The following ABCA3 variants were observed in gnomAD, a reference collection of about 807,000 sequenced individuals.
ABCA3 encodes the protein phospholipid-transporting ATPase ABCA3.
A neutral mutation model predicts 172.8 loss-of-function variants in ABCA3; 88 were observed. That is an observed-to-expected ratio of 0.51 (90% CI 0.43 to 0.61). The LOEUF (loss-of-function observed/expected upper bound fraction) is 0.61. Ranked by LOEUF, ABCA3 falls within the 20% of genes least tolerant of loss-of-function variation. ABCA3 has a pLI of 0.00. For missense variants in ABCA3, 2,164 were observed against 2,301.0 expected, an observed-to-expected ratio of 0.94 and a Z score of 1.22; for synonymous variants, 1,066 against 983.8, an observed-to-expected ratio of 1.08 and a Z score of -1.56.
chr16:2,328,742 A>G lies in ABCA3; in HGVS notation c.-316T>C. On this transcript the variant is annotated 5_prime_UTR_variant, in exon 3 of 33. Coordinates refer to ENST00000301732, the MANE Select transcript of ABCA3 (RefSeq NM_001089.3). ...GGAAGAGTTTCAGGTTCAGTTGCTC[A>G]GCTCCACACTCATGGCTGATCCAAA... 2 of 335,518 alleles carry G rather than the reference A, an allele frequency of 6.0e-6. No individual in the cohort carries two copies. Among genetic ancestry groups the G allele is most frequent in the South Asian group, 4.5e-5 (2 of 43,970 alleles). The allele number at this position is 335,518 out of a possible 1,614,324, so 20.8% of individuals were successfully genotyped here.
In ABCA3 at chr16:2,278,862, G is replaced by A. The variant is rs2093650816; in HGVS notation, c.4547+81C>T. Reference sequence around the variant, plus strand: ...AAGCAGGAGCTCTGGCTGCTGACCTGAGCGGTCACTCCCAGCTCTATGCTA... The same window carrying A: ...AAGCAGGAGCTCTGGCTGCTGACCTAAGCGGTCACTCCCAGCTCTATGCTA... On this transcript the variant is annotated intron_variant, in intron 29 of 32. Coordinates refer to ENST00000301732, the MANE Select transcript of ABCA3 (RefSeq NM_001089.3). This position sits in a 1 kb window ranked among gnomAD's most constrained non-coding sequence, Gnocchi z 4.4. 6.3e-7 allele frequency: 1 copy of A among 1,585,694 alleles called. No homozygotes were observed. The highest frequency in any genetic ancestry group is 8.6e-7 in the Non-Finnish European group (1 of 1,160,266).
intron 19 of ABCA3, among the ~76,000 whole-genome samples, chr16:2,291,042 G>GTAGTTT (rs1168187288): frequency 6.6e-6 from 1 of 151,974 alleles, no homozygotes; most frequent in African/African-American, 2.4e-5. Flanking sequence ...GCTAATTTTT[G>GTAGTTT]TAGTTTTAGT....
At chr16:2,280,462 T>C (rs1024057053) in intron 28 of ABCA3, among the ~76,000 whole-genome samples, 4 of 152,234 alleles carry the variant, frequency 2.6e-5, no homozygotes, top group Non-Finnish European at 5.9e-5. Context: ...CTGCATGTGC[T>C]CTGGCCCAGG....
rs2093681711 is a variant in ABCA3 at position 2,297,488 on chromosome 16, C to T, written c.2104G>A (p.Ala702Thr). ...TSGMDAISRR[A>T]IWDLLQRQKS... is the part of the protein sequence containing the mutation. ...TGCCGCTGAAGAAGATCCCAGATGG[C>T]CCTCCTGGAGATGGCGTCCATGCCC... Residue 702 changes from alanine to threonine, a missense_variant, in exon 17 of 33, where the codon GCC becomes ACC. Ala to Thr is a moderately conservative substitution (Grantham distance 58). Transcript: ENST00000301732. This position sits in a 1 kb window ranked among gnomAD's most constrained non-coding sequence, Gnocchi z 5.6. The T allele has an allele frequency of 6.2e-7, 1 of 1,613,602 alleles. No homozygotes were observed. The highest frequency in any genetic ancestry group is 1.3e-5 in the African/African-American group (1 of 75,060).
intron 10 of ABCA3, among the ~76,000 whole-genome samples, chr16:2,312,076 TA>T (rs960630337): frequency 3.3e-5 from 5 of 152,206 alleles, no homozygotes; most frequent in African/African-American, 1.2e-4. Context: ...CATACAATAT[TA>T]AAAAAATTAC....
At chr16:2,330,799 C>T (rs2093741970) in intron 1 of ABCA3, among the ~76,000 whole-genome samples, 1 of 149,788 alleles carries the variant, frequency 6.7e-6, no homozygotes, top group African/African-American at 2.5e-5. Context: ...CCCAGGTTCA[C>T]GCCATTCTCC....
rs2093668894 is a variant in ABCA3, at chr16:2,289,703, G to A, written c.2514-83C>T. ...GGGACTATGGTTAGAGGCACTGAGGGGAGCAGTGTTGCCGCAGTCCTTGGC... is the reference window on the plus strand; with the variant it reads ...GGGACTATGGTTAGAGGCACTGAGGAGAGCAGTGTTGCCGCAGTCCTTGGC... On this transcript the variant is annotated intron_variant, in intron 19 of 32. Transcript: ENST00000301732. The A allele has an allele frequency of 7.6e-6, 11 of 1,451,502 alleles. No homozygotes were observed. In the Admixed American group the frequency reaches 2.0e-4, roughly 27 times the overall value. The allele number at this position is 1,451,502 out of a possible 1,614,324, so 89.9% of individuals were successfully genotyped here.
In ABCA3 at chr16:2,298,655, C is replaced by T. The variant is rs568393264; in HGVS notation, c.1742-115G>A. On this transcript the variant is annotated intron_variant, in intron 14 of 32. Transcript: ENST00000301732. ...CCTAATTTCCTCTGAGGACCCTGCC[C>T]ATGAGAGGGCACGGAACCCCACTCC... is the stretch of plus-strand genomic sequence containing the variant. The T allele has an allele frequency of 2.1e-5, 28 of 1,322,236 alleles. No individual in the cohort carries two copies. In the East Asian group the frequency reaches 4.7e-4, roughly 22 times the overall value. 81.9% of individuals were successfully genotyped at this position (1,322,236 alleles called of 1,614,324 possible). A position where few individuals can be genotyped will look rare whatever the true frequency, so the allele number is the denominator to read the frequency against.
intron 1 of ABCA3, 53 bp from the exon 2 acceptor site, chr16:2,329,907 AC>A: frequency 6.6e-6 from 1 of 152,160 alleles, no homozygotes; most frequent in East Asian, 1.9e-4. Context: ...ATTATAAAAC[AC>A]CTCTTACCAA....
intron 5 of ABCA3, among the ~76,000 whole-genome samples, chr16:2,325,260 C>T (rs1202624074): frequency 1.3e-5 from 2 of 152,198 alleles, no homozygotes; most frequent in African/African-American, 4.8e-5. Flanking sequence ...GAAGGGCTTT[C>T]CCTGGCTCAA....
At chr16:2,276,898 G>C in intron 32 of ABCA3, 93 bp from the exon 33 acceptor site, 1 of 1,546,610 alleles carries the variant, frequency 6.5e-7, no homozygotes, top group Non-Finnish European at 8.8e-7. Context: ...GGCTGATGAG[G>C]CCCCCACAAT....
chr16:2,303,102 A>G (rs898894412), intron 12 of ABCA3, among the ~76,000 whole-genome samples: 5 of 150,300 alleles, frequency 3.3e-5, no homozygotes, highest in Non-Finnish European at 7.4e-5. Context: ...CCCGGCCTCC[A>G]ATCACATTTT....
intron 19 of ABCA3, among the ~76,000 whole-genome samples, chr16:2,290,709 C>T (rs949965257): frequency 6.6e-5 from 10 of 152,340 alleles, no homozygotes; most frequent in African/African-American, 1.4e-4. Context: ...TCCCTCCCTC[C>T]GCCGCCTTGC....
At chr16:2,333,148 A>G (rs1254912656) in intron 1 of ABCA3, among the ~76,000 whole-genome samples, 3 of 152,150 alleles carry the variant, frequency 2.0e-5, no homozygotes, top group Admixed American at 2.0e-4. Flanking sequence ...ATATCTGCAT[A>G]TATGGAGCAG....
intron 5 of ABCA3, 141 bp from the exon 6 acceptor site, chr16:2,324,672 T>C (rs1454168490): frequency 7.6e-7 from 1 of 1,313,890 alleles, no homozygotes; most frequent in African/African-American, 1.5e-5. Flanking sequence ...CAAGGCAGCT[T>C]TCATCTTTGG....
Position 2,285,725 on chromosome 16 carries a change from G to T in ABCA3, c.3279-79C>A, listed in dbSNP as rs45617833. Reference sequence around the variant, plus strand: ...AGAGGTCGGGTTCTCGGTTATGACCGCCCAAGGCATGCAGGGCAGCAGCCC... The same window carrying T: ...AGAGGTCGGGTTCTCGGTTATGACCTCCCAAGGCATGCAGGGCAGCAGCCC... On this transcript the variant is annotated intron_variant, in intron 22 of 32. Coordinates refer to ENST00000301732, the MANE Select transcript of ABCA3 (RefSeq NM_001089.3). The surrounding 1 kb of genome is among the most constrained non-coding windows in gnomAD (Gnocchi z 4.7). 4.9e-6 allele frequency: 7 copies of T among 1,416,486 alleles called. No individual in the cohort carries two copies. The highest frequency in any genetic ancestry group is 6.8e-6 in the Non-Finnish European group (7 of 1,029,916). The allele number at this position is 1,416,486 out of a possible 1,614,324, so 87.7% of individuals were successfully genotyped here.
intron 12 of ABCA3, among the ~76,000 whole-genome samples, chr16:2,301,734 G>A (rs968850885): frequency 4.0e-5 from 6 of 151,312 alleles, no homozygotes; most frequent in Non-Finnish European, 8.8e-5. Flanking sequence ...AAAAAGAAAT[G>A]ACCTTAACTA....
intron 20 of ABCA3, 37 bp downstream of exon 20, chr16:2,289,397 C>T: frequency 1.3e-6 from 2 of 1,551,014 alleles, no homozygotes; most frequent in East Asian, 2.3e-5. Context: ...GCTGCTCGCC[C>T]TTCCCCCGCC....
At chr16:2,289,961 T>TCACA (rs3138606) in intron 19 of ABCA3, among the ~76,000 whole-genome samples, 37,768 of 137,972 alleles carry the variant, frequency 0.27, 5,056 homozygotes, top group African/African-American at 0.31. Context: ...GTGAATTACA[T>TCACA]CACACACACA....
Sources: allele counts gnomAD v4.1 joint callset (sites outside exome capture counted in the v4.1 genomes callset), GRCh38; gene constraint gnomAD v4.1.1; non-coding constraint Gnocchi (gnomAD v3.1); transcripts MANE v1.5; gene names NCBI Gene and HGNC (gene_info 2026-07-23, HGNC 2026-07-21).